Variants in MYH6 observed in about 807,000 individuals in gnomAD.
The protein encoded by MYH6 is myosin-6.
A neutral mutation model predicts 223.2 loss-of-function variants in MYH6; 126 were observed. The ratio of observed to expected loss-of-function variants is 0.56; its 90% CI spans 0.49 to 0.65. The LOEUF (loss-of-function observed/expected upper bound fraction) is 0.65. MYH6 is among the 30% of genes least tolerant of loss of function. MYH6 has a pLI of 0.00. For synonymous variants in MYH6, 978 were observed against 1,010.2 expected (o/e 0.97, Z 0.61); for missense variants, 2,040 against 2,536.4 (o/e 0.80, Z 4.20).
Position 23,392,983 on chromosome 14 carries a change from G to A in MYH6, c.3180C>T (p.Asp1060=), listed in dbSNP as rs771747878. The A allele has an allele frequency of 3.7e-6, 6 of 1,614,030 alleles. No homozygotes were observed. The Admixed American group carries it at 5.0e-5, about 13-fold the overall frequency. Residue 1060 remains aspartate (D), a synonymous_variant, in exon 24 of 39, where the codon GAC becomes GAT. Transcript: ENST00000405093. ...TGATGCTCTCCTGGGTCAGCTTCAGGTCGCCCTCCAGTTTCCGCTTTGCTC... is the reference window on the plus strand; with the variant it reads ...TGATGCTCTCCTGGGTCAGCTTCAGATCGCCCTCCAGTTTCCGCTTTGCTC... The part of the protein sequence containing the change: ...LERAKRKLEG[D]LKLTQESIMD...
chr14:23,399,344 A>G (rs1891527063), intron 14 of MYH6, among the ~76,000 whole-genome samples: 2 of 152,190 alleles, frequency 1.3e-5, no homozygotes, highest in Non-Finnish European at 1.5e-5. Flanking sequence ...CAGGGGCAGG[A>G]GGGCAGGGAC....
At chr14:23,384,192 A>C (rs1890945985) in intron 36 of MYH6, among the ~76,000 whole-genome samples, 1 of 150,824 alleles carries the variant, frequency 6.6e-6, no homozygotes, top group Non-Finnish European at 1.5e-5. Context: ...GAGTTATTAA[A>C]AAAAAAAAAA....
rs1044810156 is a variant in MYH6 at position 23,403,797 on chromosome 14, G to C, written c.736-19C>G. 6.2e-7 allele frequency: 1 copy of C among 1,602,128 alleles called. No homozygotes were observed. The highest frequency in any genetic ancestry group is 2.2e-5 in the East Asian group (1 of 44,530). ...ATTTCCCCTGGGGACGAATGGGACA[G>C]AGTGAGGGAACTGGCGGGAAGGACA... On this transcript the variant is annotated intron_variant, in intron 8 of 38. Coordinates refer to ENST00000405093, the MANE Select transcript of MYH6 (RefSeq NM_002471.4).
intron 15 of MYH6, among the ~76,000 whole-genome samples, chr14:23,397,952 C>CTTCTTCTTCTTCTTCTTCTTT (rs1891465106): frequency 1.1e-5 from 1 of 91,170 alleles, no homozygotes; most frequent in Non-Finnish European, 2.2e-5. Context: ...TCTTCTTCTT[C>CTTCTTCTTCTTCTTCTTCTTT]TTCTTCTTCT....
At chr14:23,383,012 G>A (rs888402166) in intron 37 of MYH6, among the ~76,000 whole-genome samples, 3 of 152,212 alleles carry the variant, frequency 2.0e-5, no homozygotes, top group African/African-American at 7.2e-5. Context: ...CTTCTGTTGG[G>A]TTATGGTATC....
At chr14:23,403,613 C>T in intron 9 of MYH6, 102 bp downstream of exon 9, 1 of 1,259,124 alleles carries the variant, frequency 7.9e-7, no homozygotes, top group Non-Finnish European at 1.1e-6. Flanking sequence ...GAGGCAAATG[C>T]AGACAAAACA....
At chr14:23,397,384 G>T in intron 16 of MYH6, 127 bp from the exon 17 acceptor site, 1 of 1,257,574 alleles carries the variant, frequency 8.0e-7, no homozygotes, top group Non-Finnish European at 1.2e-6. Context: ...AATTTGTGAC[G>T]TGAGTTCAGG....
Position 23,382,933 on chromosome 14 carries a change from C to T in MYH6, c.5661+292G>A, listed in dbSNP as rs1890903052. On this transcript the variant is annotated intron_variant, in intron 37 of 38. Coordinates refer to ENST00000405093, the MANE Select transcript of MYH6 (RefSeq NM_002471.4). ...TGGCTAGCTGGGTCCCCTTCTAGGC[C>T]CAATTCCACCGCCACCTTCCTGCCT... Among the ~76,000 whole-genome samples the T allele has an allele frequency of 2.0e-5, 3 of 152,188 alleles. No individual in the cohort carries two copies. In the South Asian group the frequency reaches 6.2e-4, roughly 32 times the overall value.
chr14:23,406,085 T>A (rs1178517716), intron 3 of MYH6, among the ~76,000 whole-genome samples: 2 of 152,114 alleles, frequency 1.3e-5, no homozygotes, highest in Admixed American at 6.5e-5. Context: ...GGGGCAGACC[T>A]GGAGATTGGC....
intron 32 of MYH6, 89 bp downstream of exon 32, chr14:23,387,440 G>A: frequency 6.3e-7 from 1 of 1,579,812 alleles, no homozygotes; most frequent in East Asian, 2.2e-5. Context: ...AATAGATTTT[G>A]TCCTGGGGTC....
At chr14:23,392,219 T>C (rs1891254917) in intron 25 of MYH6, among the ~76,000 whole-genome samples, 1 of 151,754 alleles carries the variant, frequency 6.6e-6, no homozygotes. Flanking sequence ...TTTTTTTTTT[T>C]CACCCTGCGT....
Position 23,399,567 on chromosome 14 carries a change from TAC to T in MYH6, c.1582-532_1582-531del, listed in dbSNP as rs766316412. ...AAAAACGCATGTACACACACACACG[TAC>T]ACACACACACATGCACAAGCACACA... On this transcript the variant is annotated intron_variant, in intron 14 of 38. Transcript: ENST00000405093. 1,288 of 201,040 alleles carry T rather than the reference TAC, an allele frequency of 6.4e-3. 69 individuals carry two copies. In the East Asian group the frequency reaches 0.11, roughly 17 times the overall value. 12.5% of individuals were successfully genotyped at this position (201,040 alleles called of 1,614,324 possible). A position where few individuals can be genotyped will look rare whatever the true frequency, so the allele number is the denominator to read the frequency against.
Position 23,396,336 on chromosome 14 carries a change from G to T in MYH6, c.2377C>A (p.Gln793Lys). The T allele has an allele frequency of 6.2e-7, 1 of 1,614,144 alleles. No individual in the cohort carries two copies. The highest frequency in any genetic ancestry group is 8.5e-7 in the Non-Finnish European group (1 of 1,180,040). Reference sequence around the variant, plus strand: ...ATGCGCATGAGCTGGCCCCGGGCTTGGGCCTGCATGCGCGTGATGATGCGG... The same window carrying T: ...ATGCGCATGAGCTGGCCCCGGGCTTTGGCCTGCATGCGCGTGATGATGCGG... ...LSRIITRMQA[Q>K]ARGQLMRIEF... The change falls in exon 20 of 39, where the codon CAA becomes AAA. Residue 793 changes from glutamine to lysine, a missense_variant. Transcript: ENST00000405093.
At chr14:23,399,210 A>T (rs1261930190) in intron 14 of MYH6, among the ~76,000 whole-genome samples, 173 bp from the exon 15 acceptor site, 1 of 152,202 alleles carries the variant, frequency 6.6e-6, no homozygotes, top group South Asian at 2.1e-4. Flanking sequence ...CTGGAATTTA[A>T]AAAGCCCCTT....
chr14:23,382,135 G>A (rs1186715462), intron 38 of MYH6, 72 bp from the exon 39 acceptor site: 8 of 1,423,296 alleles, frequency 5.6e-6, no homozygotes, highest in Admixed American at 1.7e-5. Flanking sequence ...AATCCCTGGG[G>A]CTTTCAGAGG....
chr14:23,405,411 T>G lies in MYH6; in HGVS notation c.346-32A>C, dbSNP rs1891753930. The stretch of plus-strand genomic sequence containing the variant: ...CAGGAGACAAGGCTGGGCATGAGGT[T>G]GGTGGGGAGAGCCTGGGACAGGCAG... On this transcript the variant is annotated intron_variant, in intron 4 of 38. Transcript: ENST00000405093. This position sits in a 1 kb window ranked among gnomAD's most constrained non-coding sequence, Gnocchi z 4.7. The G allele has an allele frequency of 1.4e-5, 22 of 1,613,934 alleles. No homozygotes were observed. The East Asian group carries it at 4.9e-4, about 36-fold the overall frequency.
rs540235884 is a variant in MYH6 at position 23,393,583 on chromosome 14, C to A, written c.2929-65G>T. ...ACCAGCCTGGAGACATCTATGGGGACCTCCATGCCAAGGACCAGGACAACA... is the reference window on the plus strand; with the variant it reads ...ACCAGCCTGGAGACATCTATGGGGAACTCCATGCCAAGGACCAGGACAACA... On this transcript the variant is annotated intron_variant, in intron 22 of 38. Transcript: ENST00000405093. 6.9e-5 allele frequency: 112 copies of A among 1,613,890 alleles called. 1 individual carries two copies. In the African/African-American group the frequency reaches 7.2e-4, roughly 10 times the overall value.
rs1566516373 is a variant in MYH6 at position 23,405,135 on chromosome 14, A to G, written c.503-8T>C. Reference sequence around the variant, plus strand: ...TGGACTGGTTCTCCCGATCTGGAAGAAAAAAGAGGAGAAGCAATGGGGTCA... The same window carrying G: ...TGGACTGGTTCTCCCGATCTGGAAGGAAAAAGAGGAGAAGCAATGGGGTCA... On this transcript the variant is annotated splice_polypyrimidine_tract_variant and splice_region_variant and intron_variant, in intron 5 of 38. Coordinates refer to ENST00000405093, the MANE Select transcript of MYH6 (RefSeq NM_002471.4). This position sits in a 1 kb window ranked among gnomAD's most constrained non-coding sequence, Gnocchi z 4.7. 1 of 1,614,032 alleles carries G rather than the reference A, an allele frequency of 6.2e-7. No individual in the cohort carries two copies. Among genetic ancestry groups the G allele is most frequent in the Non-Finnish European group, 8.5e-7 (1 of 1,180,028 alleles).
rs993844594 is a variant in MYH6, at chr14:23,405,184, C to G, written c.502+39G>C. The G allele has an allele frequency of 6.2e-6, 10 of 1,613,956 alleles. No homozygotes were observed. The African/African-American group carries it at 1.3e-4, about 22-fold the overall frequency. On this transcript the variant is annotated intron_variant, in intron 5 of 38. Coordinates refer to ENST00000405093, the MANE Select transcript of MYH6 (RefSeq NM_002471.4). The surrounding 1 kb of genome is among the most constrained non-coding windows in gnomAD (Gnocchi z 4.7). ...CAGGGCTGAGGATCTGGGTGGGTGT[C>G]TGGGAGGAGGAGCAGAGACCAGGGG...
Sources: allele counts gnomAD v4.1 joint callset (sites outside exome capture counted in the v4.1 genomes callset), GRCh38; gene constraint gnomAD v4.1.1; non-coding constraint Gnocchi (gnomAD v3.1); transcripts MANE v1.5; gene names NCBI Gene and HGNC (gene_info 2026-07-23, HGNC 2026-07-21).